The following NRG3 variants were observed in gnomAD, a reference collection of about 807,000 sequenced individuals.
NRG3 encodes the protein neuregulin 3.
In NRG3, 31 loss-of-function variants were observed where a neutral mutation model predicts 66.9. The ratio of observed to expected loss-of-function variants is 0.46; its 90% CI spans 0.35 to 0.63. NRG3 has a LOEUF of 0.63. Ranked by LOEUF, NRG3 falls within the 20% of genes least tolerant of loss-of-function variation. The probability of loss-of-function intolerance (pLI) is 0.00; values close to 1 mark genes in which losing one functional copy is unlikely to be tolerated. For missense variants in NRG3, 910 were observed against 878.9 expected, an observed-to-expected ratio of 1.04 and a Z score of -0.45; for synonymous variants, 393 against 359.4, an observed-to-expected ratio of 1.09 and a Z score of -1.06.
intron 1 of NRG3, among the ~76,000 whole-genome samples, chr10:82,005,718 A>G (rs2061352737): frequency 6.6e-6 from 1 of 152,158 alleles, no homozygotes; most frequent in Non-Finnish European, 1.5e-5. Context: ...TGTACTTACA[A>G]TGAATAAATG....
intron 1 of NRG3, among the ~76,000 whole-genome samples, chr10:82,204,772 A>T (rs924228508): frequency 6.6e-6 from 1 of 152,166 alleles, no homozygotes; most frequent in Non-Finnish European, 1.5e-5. Context: ...TATGCTGTCT[A>T]CTTGAACTTT....
intron 1 of NRG3, among the ~76,000 whole-genome samples, chr10:82,202,679 AAATC>A (rs750227826): frequency 6.6e-6 from 1 of 152,166 alleles, no homozygotes; most frequent in Non-Finnish European, 1.5e-5. Context: ...AGTTGAATCA[AAATC>A]AACGGCTTAA....
chr10:82,882,252 T>G (rs540544279), intron 4 of NRG3, among the ~76,000 whole-genome samples: 7 of 152,338 alleles, frequency 4.6e-5, no homozygotes, highest in Admixed American at 1.3e-4. Flanking sequence ...GGTTTATGTC[T>G]GTCTTACCCC....
Position 81,926,530 on chromosome 10 carries a change from AT to A in NRG3, c.823+50376del, listed in dbSNP as rs576957189. Reference sequence around the variant, plus strand: ...TAAGATAAAATAGAATTTAATTTTTATTTTTTTTTAAGGATCCTGCTAATTT... The same window carrying A: ...TAAGATAAAATAGAATTTAATTTTTATTTTTTTTAAGGATCCTGCTAATTT... On this transcript the variant is annotated intron_variant, in intron 1 of 8. Coordinates refer to ENST00000372141, the MANE Select transcript of NRG3 (RefSeq NM_001010848.4). Among the ~76,000 whole-genome samples, 1,017 of 151,282 alleles carry A rather than the reference AT, an allele frequency of 6.7e-3. 7 individuals are homozygous for A. Among genetic ancestry groups the A allele is most frequent in the African/African-American group, 0.019 (774 of 41,296 alleles).
chr10:81,938,480 C>G (rs1013923879), intron 1 of NRG3, among the ~76,000 whole-genome samples: 1 of 150,834 alleles, frequency 6.6e-6, no homozygotes, highest in East Asian at 1.9e-4. Flanking sequence ...TTTTATTCTC[C>G]TTGATGATAT....
At chr10:82,803,090 G>A (rs910843087) in intron 3 of NRG3, among the ~76,000 whole-genome samples, 11 of 152,180 alleles carry the variant, frequency 7.2e-5, no homozygotes, top group African/African-American at 2.7e-4. Flanking sequence ...AACCGTCTGA[G>A]GCTATGTGAA....
chr10:82,262,120 CTT>C, intron 1 of NRG3, among the ~76,000 whole-genome samples: 1 of 152,158 alleles, frequency 6.6e-6, no homozygotes, highest in Non-Finnish European at 1.5e-5. Context: ...AACTAAACCT[CTT>C]TTATTTATTA....
At chr10:82,258,770 T>C (rs989762944) in intron 1 of NRG3, among the ~76,000 whole-genome samples, 5 of 152,208 alleles carry the variant, frequency 3.3e-5, no homozygotes, top group African/African-American at 4.8e-5. Flanking sequence ...AGATGAGGAA[T>C]GTGAAGGTTG....
intron 3 of NRG3, among the ~76,000 whole-genome samples, chr10:82,821,578 C>T (rs1212267164): frequency 6.6e-6 from 1 of 151,588 alleles, no homozygotes; most frequent in Non-Finnish European, 1.5e-5. Flanking sequence ...TCCTGGAAAT[C>T]TATAAACTTA....
intron 2 of NRG3, among the ~76,000 whole-genome samples, chr10:82,659,439 G>A (rs1022459364): frequency 1.3e-5 from 2 of 152,024 alleles, no homozygotes; most frequent in African/African-American, 2.4e-5. Context: ...ATAATTTGAG[G>A]TCAGGAGTTC....
chr10:82,822,972 A>T (rs1016530609), intron 3 of NRG3, among the ~76,000 whole-genome samples: 6 of 152,214 alleles, frequency 3.9e-5, no homozygotes, highest in African/African-American at 1.4e-4. Context: ...GCTAACTAGG[A>T]TAACAATTCG....
chr10:82,947,335 T>A (rs979027119), intron 4 of NRG3, among the ~76,000 whole-genome samples: 4 of 152,194 alleles, frequency 2.6e-5, no homozygotes, highest in African/African-American at 9.6e-5. Context: ...AGAAATGTAA[T>A]AATTTGATTA....
chr10:82,735,604 G>A (rs1372182778), intron 2 of NRG3, among the ~76,000 whole-genome samples: 1 of 152,178 alleles, frequency 6.6e-6, no homozygotes, highest in African/African-American at 2.4e-5. Context: ...CGTGTCCTTT[G>A]CAGGGACATG....
intron 2 of NRG3, among the ~76,000 whole-genome samples, chr10:82,520,254 T>C (rs1282543922): frequency 6.6e-6 from 1 of 151,174 alleles, no homozygotes; most frequent in East Asian, 1.9e-4. Context: ...TAAGGGCAGC[T>C]TTAGTCAAAA....
chr10:82,212,187 C>A (rs2075430329), intron 1 of NRG3, among the ~76,000 whole-genome samples: 1 of 152,148 alleles, frequency 6.6e-6, no homozygotes, highest in Non-Finnish European at 1.5e-5. Context: ...ACAGCAATTT[C>A]ACATGGTTCA....
intron 2 of NRG3, among the ~76,000 whole-genome samples, chr10:82,439,940 CTTTGT>C (rs2090345773): frequency 6.6e-6 from 1 of 151,654 alleles, no homozygotes. Context: ...TTTGTTGTTG[CTTTGT>C]TTTGTTTTAG....
chr10:82,650,442 A>T (rs1425404493), intron 2 of NRG3, among the ~76,000 whole-genome samples: 1 of 152,180 alleles, frequency 6.6e-6, no homozygotes, highest in Admixed American at 6.5e-5. Context: ...ACAAAAAAAA[A>T]CACCTAATGT....
chr10:82,213,786 T>C (rs1020350806), intron 1 of NRG3, among the ~76,000 whole-genome samples: 3 of 152,202 alleles, frequency 2.0e-5, no homozygotes, highest in Non-Finnish European at 2.9e-5. Flanking sequence ...ATATGCTATT[T>C]CCAGAAACAG....
At chr10:81,934,507 T>G (rs1847682870) in intron 1 of NRG3, among the ~76,000 whole-genome samples, 1 of 152,104 alleles carries the variant, frequency 6.6e-6, no homozygotes, top group Non-Finnish European at 1.5e-5. Context: ...TCCTTCTCCT[T>G]GAGCTCATTT....
Sources: allele counts gnomAD v4.1 joint callset (sites outside exome capture counted in the v4.1 genomes callset), GRCh38; gene constraint gnomAD v4.1.1; transcripts MANE v1.5; gene names NCBI Gene and HGNC (gene_info 2026-07-23, HGNC 2026-07-21).